Variants in PRKCB observed in about 807,000 individuals in gnomAD.
The protein encoded by PRKCB is protein kinase C beta type.
Under a neutral mutation model 81.5 loss-of-function variants are expected in PRKCB, and 13 were observed. The ratio of observed to expected loss-of-function variants is 0.16; its 90% CI spans 0.10 to 0.25. The LOEUF is 0.25. PRKCB is among the 10% of genes least tolerant of loss of function. The probability of loss-of-function intolerance (pLI) is 1.00; values close to 1 mark genes in which losing one functional copy is unlikely to be tolerated. For synonymous variants in PRKCB, 335 were observed against 321.4 expected, an observed-to-expected ratio of 1.04 and a Z score of -0.45; for missense variants, 509 against 875.7, an observed-to-expected ratio of 0.58 and a Z score of 5.29.
At chr16:24,117,924 C>T (rs746927906) in intron 8 of PRKCB, among the ~76,000 whole-genome samples, 21 of 152,212 alleles carry the variant, frequency 1.4e-4, no homozygotes, top group Non-Finnish European at 2.4e-4. Context: ...GGGCTGCTCC[C>T]AGGGAAATCC....
intron 3 of PRKCB, among the ~76,000 whole-genome samples, chr16:24,028,460 CA>C: frequency 6.6e-6 from 1 of 152,338 alleles, no homozygotes; most frequent in South Asian, 2.1e-4. Flanking sequence ...ATATCCAAAA[CA>C]AAAAAGTTGC....
chr16:23,981,321 G>A (rs987852954), intron 2 of PRKCB, among the ~76,000 whole-genome samples: 5 of 151,696 alleles, frequency 3.3e-5, no homozygotes, highest in Non-Finnish European at 5.9e-5. Context: ...CTCTGACTCC[G>A]AGTCTCTTCC....
intron 9 of PRKCB, among the ~76,000 whole-genome samples, chr16:24,150,711 G>A (rs387495): frequency 6.6e-6 from 1 of 152,024 alleles, no homozygotes; most frequent in Non-Finnish European, 1.5e-5. Context: ...ATTGCTTATT[G>A]TTGTAAATAA....
chr16:24,136,521 G>T (rs1966865305), intron 9 of PRKCB, among the ~76,000 whole-genome samples: 1 of 152,104 alleles, frequency 6.6e-6, no homozygotes, highest in African/African-American at 2.4e-5. Flanking sequence ...TGTCATCCCT[G>T]CTTCTCGATG....
At chr16:23,891,732 C>G (rs1963298301) in intron 2 of PRKCB, among the ~76,000 whole-genome samples, 1 of 152,168 alleles carries the variant, frequency 6.6e-6, no homozygotes, top group Non-Finnish European at 1.5e-5. Flanking sequence ...GCTCAGTTTT[C>G]AAGGGGTCAT....
intron 9 of PRKCB, among the ~76,000 whole-genome samples, chr16:24,136,250 CA>C (rs1180254007): frequency 6.6e-6 from 1 of 152,016 alleles, no homozygotes; most frequent in African/African-American, 2.4e-5. Context: ...TGTTACAAGA[CA>C]AGATAAGGTT....
chr16:23,968,079 A>T (rs1462653212), intron 2 of PRKCB, among the ~76,000 whole-genome samples: 1 of 152,066 alleles, frequency 6.6e-6, no homozygotes, highest in African/African-American at 2.4e-5. Context: ...TGCCTGACTT[A>T]GTTATGCTTA....
chr16:23,906,118 T>C (rs1963557582), intron 2 of PRKCB, among the ~76,000 whole-genome samples: 1 of 152,192 alleles, frequency 6.6e-6, no homozygotes, highest in Non-Finnish European at 1.5e-5. Flanking sequence ...AAAATGTGGA[T>C]TGATGTTGCT....
chr16:23,862,910 C>A (rs1338889840), intron 2 of PRKCB, among the ~76,000 whole-genome samples: 8 of 151,884 alleles, frequency 5.3e-5, no homozygotes, highest in Admixed American at 5.2e-4. Flanking sequence ...CCAGGCTTGG[C>A]AGTGTCCAGC....
intron 16 of PRKCB, among the ~76,000 whole-genome samples, chr16:24,204,492 G>A (rs933271845): frequency 2.0e-5 from 3 of 152,020 alleles, no homozygotes; most frequent in Non-Finnish European, 2.9e-5. Flanking sequence ...CAGCCTTGTG[G>A]GAATCAAAGC....
At chr16:24,024,456 G>C (rs1034301091) in intron 3 of PRKCB, among the ~76,000 whole-genome samples, 1 of 152,178 alleles carries the variant, frequency 6.6e-6, no homozygotes, top group African/African-American at 2.4e-5. Context: ...GTAATTAAGA[G>C]AGTAAATTTC....
chr16:24,032,439 T>A (rs1253442426), intron 4 of PRKCB, among the ~76,000 whole-genome samples, 192 bp downstream of exon 4: 1 of 152,222 alleles, frequency 6.6e-6, no homozygotes, highest in Non-Finnish European at 1.5e-5. Flanking sequence ...ATAAACATTT[T>A]TTTAGCTCAT....
chr16:24,086,302 TA>T lies in PRKCB; in HGVS notation c.530-6486del, dbSNP rs539778543. Reference sequence around the variant, plus strand: ...AGGGGGGTTCAAGCAAAGGACCAGGTAAACTGTCAGCCACCAACAGATAACT... The same window carrying T: ...AGGGGGGTTCAAGCAAAGGACCAGGTAACTGTCAGCCACCAACAGATAACT... On this transcript the variant is annotated intron_variant, in intron 5 of 16. Transcript: ENST00000643927. Among the ~76,000 whole-genome samples, 91 of 152,162 alleles carry T rather than the reference TA, an allele frequency of 6.0e-4. No homozygotes were observed. In the Middle Eastern group the frequency reaches 0.01, roughly 17 times the overall value.
intron 2 of PRKCB, among the ~76,000 whole-genome samples, chr16:23,913,581 T>C (rs1373619547): frequency 2.0e-5 from 3 of 152,178 alleles, no homozygotes; most frequent in Non-Finnish European, 2.9e-5. Flanking sequence ...GAGAATAATG[T>C]GACAAAAATG....
rs1966832407 is a variant in PRKCB, at chr16:24,123,995, T to A, written c.1065+14T>A. 17 of 1,613,892 alleles carry A rather than the reference T, an allele frequency of 1.1e-5. No individual in the cohort carries two copies. The highest frequency in any genetic ancestry group is 1.4e-5 in the Non-Finnish European group (17 of 1,179,836). Reference sequence around the variant, plus strand: ...AGCTTTGGCAAGGTATGGTATGATTTGGTGGCTCCACCTGCTTTGGAAGGA... The same window carrying A: ...AGCTTTGGCAAGGTATGGTATGATTAGGTGGCTCCACCTGCTTTGGAAGGA... On this transcript the variant is annotated intron_variant, in intron 9 of 16. Coordinates refer to ENST00000643927, the MANE Select transcript of PRKCB (RefSeq NM_002738.7).
chr16:24,051,082 C>T (rs1255610451), intron 5 of PRKCB, among the ~76,000 whole-genome samples: 1 of 152,176 alleles, frequency 6.6e-6, no homozygotes, highest in East Asian at 1.9e-4. Flanking sequence ...TTCCTCACAC[C>T]ATTCTCTGTG....
chr16:23,871,372 A>G (rs2141099296), intron 2 of PRKCB, among the ~76,000 whole-genome samples: 1 of 152,218 alleles, frequency 6.6e-6, no homozygotes, highest in South Asian at 2.1e-4. Flanking sequence ...CGTGGAATGA[A>G]TGTGTGCTCC....
rs1276940134 is a variant in PRKCB at position 24,174,499 on chromosome 16, T to C, written c.1332-19T>C. On this transcript the variant is annotated intron_variant, in intron 11 of 16. Coordinates refer to ENST00000643927, the MANE Select transcript of PRKCB (RefSeq NM_002738.7). ...GTCCTTGAGTTTCTCCATCGCTTTT[T>C]TTTTTTTTTTAATTTCAGATTTTAC... 6.9e-6 allele frequency: 11 copies of C among 1,604,840 alleles called. No individual in the cohort carries two copies. The highest frequency in any genetic ancestry group is 1.7e-5 in the Admixed American group (1 of 58,728).
At chr16:24,092,986 G>T (rs750571880) in intron 6 of PRKCB, 39 bp downstream of exon 6, 29 of 1,591,452 alleles carry the variant, frequency 1.8e-5, no homozygotes, top group Non-Finnish European at 2.5e-5. Flanking sequence ...GGTGGTGGAG[G>T]TTGGGTTATG....
Sources: gnomAD v4.1 joint callset for allele counts (sites outside exome capture counted in the v4.1 genomes callset) on GRCh38, gnomAD v4.1.1 for gene constraint, MANE v1.5 for transcripts, NCBI Gene and HGNC (gene_info 2026-07-23, HGNC 2026-07-21) for gene names.